SFXN5: variants seen among roughly 807,000 people sequenced by gnomAD.
SFXN5 encodes the protein sideroflexin 5, also known as sideroflexin-5.
In SFXN5, 43 loss-of-function variants were observed where a neutral mutation model predicts 50.2. That is an observed-to-expected ratio of 0.86 (90% confidence interval 0.67 to 1.11). SFXN5 has a LOEUF of 1.11. Among genes scored for constraint, SFXN5 ranks in the 50% least tolerant of loss-of-function variants. The pLI, the probability that SFXN5 is intolerant of heterozygous loss-of-function variation, is 0.00. For synonymous variants in SFXN5, 203 were observed against 185.8 expected, an observed-to-expected ratio of 1.09 and a Z score of -0.75; for missense variants, 463 against 454.1, an observed-to-expected ratio of 1.02 and a Z score of -0.18.
intron 13 of SFXN5, among the ~76,000 whole-genome samples, chr2:72,956,746 C>T (rs1487809647): frequency 6.6e-6 from 1 of 152,178 alleles, no homozygotes; most frequent in Non-Finnish European, 1.5e-5. Flanking sequence ...CCAGGGACTC[C>T]ATAGAGGCCA....
chr2:72,975,667 C>T (rs554902433), intron 10 of SFXN5, among the ~76,000 whole-genome samples: 34 of 152,364 alleles, frequency 2.2e-4, no homozygotes, highest in African/African-American at 8.2e-4. Context: ...GCCATGTGTA[C>T]AGGTATCCAT....
At chr2:73,023,264 T>A in intron 3 of SFXN5, 50 bp from the exon 4 acceptor site, 1 of 1,541,162 alleles carries the variant, frequency 6.5e-7, no homozygotes, top group East Asian at 2.4e-5. Context: ...ATTAAAAGCA[T>A]ATATCGGTTT....
At chr2:72,976,161 T>C (rs1670594240) in intron 10 of SFXN5, among the ~76,000 whole-genome samples, 1 of 152,004 alleles carries the variant, frequency 6.6e-6, no homozygotes, top group African/African-American at 2.4e-5. Flanking sequence ...GCTCACAGAG[T>C]GGTCTGCTTG....
chr2:73,004,308 T>TGC (rs60403985), intron 6 of SFXN5, among the ~76,000 whole-genome samples: 181 of 124,206 alleles, frequency 1.5e-3, no homozygotes, highest in African/African-American at 2.7e-3. Context: ...GAGGAATGAG[T>TGC]GCGCGCGCAC....
chr2:72,998,898 G>A, intron 9 of SFXN5, 51 bp downstream of exon 9: 5 of 1,590,414 alleles, frequency 3.1e-6, no homozygotes, highest in Non-Finnish European at 4.3e-6. Context: ...TGCTGAGCGG[G>A]GTGGCCCCAG....
intron 3 of SFXN5, among the ~76,000 whole-genome samples, chr2:73,034,779 C>T (rs1422743451): frequency 6.6e-6 from 1 of 152,190 alleles, no homozygotes; most frequent in East Asian, 1.9e-4. Context: ...CTGACTGATC[C>T]TACCACAATA....
At chr2:73,031,503 C>T (rs560669058) in intron 3 of SFXN5, among the ~76,000 whole-genome samples, 10 of 152,180 alleles carry the variant, frequency 6.6e-5, no homozygotes, top group African/African-American at 9.7e-5. Flanking sequence ...ATTTGGGGAT[C>T]GTTTTGTTAC....
At chr2:73,066,030 C>T (rs1226531847) in intron 1 of SFXN5, among the ~76,000 whole-genome samples, 3 of 152,170 alleles carry the variant, frequency 2.0e-5, no homozygotes, top group Non-Finnish European at 4.4e-5. Context: ...CAAAGCAGGT[C>T]TCAGAGGTTC....
chr2:72,994,294 A>G (rs185899328), intron 9 of SFXN5, among the ~76,000 whole-genome samples: 32 of 152,308 alleles, frequency 2.1e-4, no homozygotes, highest in African/African-American at 7.2e-4. Context: ...ACTACTTTCC[A>G]GTCTGACTAT....
rs116918161 is a variant in SFXN5 at position 72,993,529 on chromosome 2, T to A, written c.535-5181A>T. ...GGGGGCTGCTGGGAAATCAATTACA[T>A]CAGACCCCTTCTACATGGGAGGGGG... On this transcript the variant is annotated intron_variant, in intron 9 of 13. Coordinates refer to ENST00000272433, the MANE Select transcript of SFXN5 (RefSeq NM_144579.3). Among the ~76,000 whole-genome samples, 427 of 152,284 alleles carry A rather than the reference T, an allele frequency of 2.8e-3. 18 individuals are homozygous for A. In the East Asian group the frequency reaches 0.064, roughly 23 times the overall value.
intron 13 of SFXN5, among the ~76,000 whole-genome samples, chr2:72,959,403 G>T (rs1673457529): frequency 6.6e-6 from 1 of 151,984 alleles, no homozygotes; most frequent in Non-Finnish European, 1.5e-5. Flanking sequence ...ACCTCCTGGT[G>T]AACAGGCCCG....
chr2:72,971,582 G>C lies in SFXN5; in HGVS notation c.729C>G (p.Ile243Met). The change falls in exon 11 of 14, where the codon ATC becomes ATG. Residue 243 changes from isoleucine to methionine, a missense_variant. Physicochemically the swap from Ile to Met is conservative, Grantham distance 10 (BLOSUM62 1). Transcript: ENST00000272433. ...CCCCCAGACCCACGTGTCGGGCTGCGATCTTGGAGGAGCCCACGAGGTTGC... is the reference window on the plus strand; with the variant it reads ...CCCCCAGACCCACGTGTCGGGCTGCCATCTTGGAGGAGCCCACGAGGTTGC... ...SDGNLVGSSK[I>M]AARHALLETA... The C allele has an allele frequency of 6.2e-7, 1 of 1,613,722 alleles. No homozygotes were observed. The highest frequency in any genetic ancestry group is 8.5e-7 in the Non-Finnish European group (1 of 1,179,768).
Position 72,992,709 on chromosome 2 carries a change from C to A in SFXN5, c.535-4361G>T, listed in dbSNP as rs1187668138. 6.6e-6 allele frequency among the ~76,000 whole-genome samples: 1 copy of A among 152,250 alleles called. No individual in the cohort carries two copies. Among genetic ancestry groups the A allele is most frequent in the Non-Finnish European group, 1.5e-5 (1 of 68,052 alleles). On this transcript the variant is annotated intron_variant, in intron 9 of 13. Coordinates refer to ENST00000272433, the MANE Select transcript of SFXN5 (RefSeq NM_144579.3). The surrounding 1 kb of genome is among the most constrained non-coding windows in gnomAD (Gnocchi z 4.5). ...CCTGCTCCCAACACTCAGCACGCAG[C>A]CTCTGTCCCTGGATGACAGTGCACC...
intron 9 of SFXN5, among the ~76,000 whole-genome samples, chr2:72,989,420 G>C (rs573833427): frequency 2.0e-5 from 3 of 152,122 alleles, no homozygotes; most frequent in Non-Finnish European, 4.4e-5. Flanking sequence ...CAACACCCCA[G>C]GGCTGGTATA....
At chr2:73,001,873 G>A (rs1673964287) in intron 6 of SFXN5, among the ~76,000 whole-genome samples, 1 of 152,190 alleles carries the variant, frequency 6.6e-6, no homozygotes, top group Admixed American at 6.5e-5. Flanking sequence ...AAAACCTGTA[G>A]TGTGGATGTC....
chr2:73,012,188 A>C (rs1399288966), intron 6 of SFXN5, among the ~76,000 whole-genome samples: 1 of 152,226 alleles, frequency 6.6e-6, no homozygotes, highest in Non-Finnish European at 1.5e-5. Flanking sequence ...AAAAGCCTAG[A>C]GGCACACACC....
chr2:72,963,510 G>C (rs1310664064), intron 12 of SFXN5, among the ~76,000 whole-genome samples: 1 of 151,834 alleles, frequency 6.6e-6, no homozygotes, highest in African/African-American at 2.4e-5. Flanking sequence ...GAGCAGGCCT[G>C]AGAGCGAACA....
Position 72,945,077 on chromosome 2 carries a change from G to T in SFXN5, c.968C>A (p.Pro323Gln). The T allele has an allele frequency of 1.9e-6, 3 of 1,613,958 alleles. No individual in the cohort carries two copies. The highest frequency in any genetic ancestry group is 2.5e-6 in the Non-Finnish European group (3 of 1,179,906). The change falls in exon 14 of 14, where the codon CCG becomes CAG. Residue 323 changes from proline (P) to glutamine (Q), a missense_variant. Pro to Gln is a moderately conservative substitution (Grantham distance 76, BLOSUM62 -1). Transcript: ENST00000272433. This position sits in a 1 kb window ranked among gnomAD's most constrained non-coding sequence, Gnocchi z 5.8. ...MSEIETSQLE[P>Q]EIAQATSSRT... ...GCTGCTCGTGGCCTGGGCTATCTCC[G>T]GCTCTAATTGGGATGTTTCAATCTG...
intron 10 of SFXN5, among the ~76,000 whole-genome samples, chr2:72,986,343 C>G (rs1449713420): frequency 6.6e-6 from 1 of 152,200 alleles, no homozygotes; most frequent in Non-Finnish European, 1.5e-5. Flanking sequence ...AAAGCACCCT[C>G]CTCTCAGTGG....
Sources: allele counts gnomAD v4.1 joint callset (sites outside exome capture counted in the v4.1 genomes callset), GRCh38; gene constraint gnomAD v4.1.1; non-coding constraint Gnocchi (gnomAD v3.1); transcripts MANE v1.5; gene names NCBI Gene and HGNC (gene_info 2026-07-23, HGNC 2026-07-21).